Variants in BTBD2 observed in about 807,000 individuals in gnomAD.
BTBD2 encodes BTB domain containing 2.
BTBD2 carries 15 observed loss-of-function variants against 44.0 expected under a neutral mutation model. That is an observed-to-expected ratio of 0.34 (90% CI 0.23 to 0.53). The LOEUF is 0.53. BTBD2 is among the 20% of genes least tolerant of loss of function. The pLI is 0.95. For missense variants in BTBD2, 657 were observed against 746.4 expected, an observed-to-expected ratio of 0.88 and a Z score of 1.39; for synonymous variants, 443 against 335.9, an observed-to-expected ratio of 1.32 and a Z score of -3.49.
intron 1 of BTBD2, among the ~76,000 whole-genome samples, chr19:2,005,107 A>C (rs1350764816): frequency 2.6e-5 from 4 of 152,140 alleles, no homozygotes; most frequent in Non-Finnish European, 5.9e-5. Context: ...GGCGTGAGCC[A>C]CTGCGCCCAG....
intron 5 of BTBD2, among the ~76,000 whole-genome samples, chr19:1,988,968 A>G (rs920597946): frequency 1.6e-4 from 25 of 152,028 alleles, no homozygotes; most frequent in African/African-American, 5.3e-4. Context: ...GCTGGAGTGC[A>G]GTGGCGCGAT....
chr19:1,993,665 C>T (rs2016211734), intron 2 of BTBD2, among the ~76,000 whole-genome samples: 2 of 152,088 alleles, frequency 1.3e-5, no homozygotes, highest in African/African-American at 4.8e-5. Context: ...GGGGCCCACA[C>T]GACACTGAAT....
At chr19:2,014,867 G>C (rs1322045926) in intron 1 of BTBD2, among the ~76,000 whole-genome samples, 1 of 151,078 alleles carries the variant, frequency 6.6e-6, no homozygotes, top group East Asian at 2.0e-4. Context: ...GCCAGAGGTG[G>C]AGGATCCAGG....
Position 1,986,379 on chromosome 19 carries a change from T to TG in BTBD2, c.*108dup. 1 of 1,369,284 alleles carries TG rather than the reference T, an allele frequency of 7.3e-7. No homozygotes were observed. Among genetic ancestry groups the TG allele is most frequent in the Non-Finnish European group, 1.0e-6 (1 of 978,696 alleles). 84.8% of individuals were successfully genotyped at this position (1,369,284 alleles called of 1,614,324 possible). On this transcript the variant is annotated 3_prime_UTR_variant, in exon 9 of 9. Coordinates refer to ENST00000255608, the MANE Select transcript of BTBD2 (RefSeq NM_017797.4). ...GGTGGCATGGAGTGGACAGACGGCCTGGGGGACACTGGGCCTGGCACCGCG... is the reference window on the plus strand; with the variant it reads ...GGTGGCATGGAGTGGACAGACGGCCTGGGGGGACACTGGGCCTGGCACCGCG...
intron 6 of BTBD2, 91 bp from the exon 7 acceptor site, chr19:1,987,344 C>T (rs902724294): frequency 6.7e-5 from 100 of 1,502,314 alleles, no homozygotes; most frequent in Admixed American, 1.1e-4. Flanking sequence ...CGGTCCCCTC[C>T]ATCGTCCCTG....
At chr19:2,011,375 T>C (rs990535669) in intron 1 of BTBD2, among the ~76,000 whole-genome samples, 9 of 151,960 alleles carry the variant, frequency 5.9e-5, no homozygotes, top group Non-Finnish European at 1.0e-4. Flanking sequence ...CCTGGGCCCA[T>C]CCACGGCGCG....
chr19:1,990,699 G>T lies in BTBD2; in HGVS notation c.790+18C>A. Reference sequence around the variant, plus strand: ...AGGCCCCGCTGGGATTCCCACACCTGGGCTCCTGGGCCCTTACCCAGGTCA... The same window carrying T: ...AGGCCCCGCTGGGATTCCCACACCTTGGCTCCTGGGCCCTTACCCAGGTCA... On this transcript the variant is annotated intron_variant, in intron 4 of 8. Transcript: ENST00000255608. 1 of 1,579,182 alleles carries T rather than the reference G, an allele frequency of 6.3e-7. No individual in the cohort carries two copies.
chr19:2,010,947 G>GTTTTC (rs2016456840), intron 1 of BTBD2, among the ~76,000 whole-genome samples: 1 of 152,090 alleles, frequency 6.6e-6, no homozygotes, highest in Non-Finnish European at 1.5e-5. Context: ...CTCAGCTGCT[G>GTTTTC]TTTTCTTTCT....
chr19:1,987,553 G>T lies in BTBD2; in HGVS notation c.1128C>A (p.Arg376=). The part of the protein sequence containing the change: ...CLRGKECSIN[R]FQQVESRWGY... Reference sequence around the variant, plus strand: ...CCCAGCGACTCTCCACCTGCTGGAAGCGGTTGATGCTGCACTCCTTCCCAC... The same window carrying T: ...CCCAGCGACTCTCCACCTGCTGGAATCGGTTGATGCTGCACTCCTTCCCAC... The change falls in exon 6 of 9, where the codon CGC becomes CGA. Residue 376 remains arginine, a synonymous_variant. Coordinates refer to ENST00000255608, the MANE Select transcript of BTBD2 (RefSeq NM_017797.4). 1 of 1,611,282 alleles carries T rather than the reference G, an allele frequency of 6.2e-7. No individual in the cohort carries two copies. The highest frequency in any genetic ancestry group is 1.1e-5 in the South Asian group (1 of 90,694).
At chr19:1,998,135 A>T (rs994645165) in intron 1 of BTBD2, among the ~76,000 whole-genome samples, 6 of 152,142 alleles carry the variant, frequency 3.9e-5, no homozygotes, top group South Asian at 4.1e-4. Flanking sequence ...GCACTCATCC[A>T]CTTAGTCTCA....
At chr19:2,013,334 C>T (rs2016491801) in intron 1 of BTBD2, among the ~76,000 whole-genome samples, 1 of 151,978 alleles carries the variant, frequency 6.6e-6, no homozygotes. Flanking sequence ...GGGGCCGGTA[C>T]CCCGCACACT....
In BTBD2 at chr19:1,990,627, C is replaced by A. The variant is rs1213582033; in HGVS notation, c.790+90G>T. On this transcript the variant is annotated intron_variant, in intron 4 of 8. Transcript: ENST00000255608. ...GAGGCCCCAGCTCACCTGTGCAACT[C>A]CCCCAGGCCCAAAGCTCCCACTGTC... 4.0e-6 allele frequency: 5 copies of A among 1,241,200 alleles called. No homozygotes were observed. The Admixed American group carries it at 1.0e-4, about 26-fold the overall frequency. The allele number at this position is 1,241,200 out of a possible 1,614,324, so 76.9% of individuals were successfully genotyped here.
At chr19:1,994,215 C>T (rs1311498569) in intron 2 of BTBD2, among the ~76,000 whole-genome samples, 1 of 151,604 alleles carries the variant, frequency 6.6e-6, no homozygotes, top group Non-Finnish European at 1.5e-5. Flanking sequence ...ACCTGGGAGG[C>T]TGAGGCACAA....
At chr19:1,999,811 A>AT (rs2016303172) in intron 1 of BTBD2, among the ~76,000 whole-genome samples, 1 of 151,602 alleles carries the variant, frequency 6.6e-6, no homozygotes, top group South Asian at 2.1e-4. Flanking sequence ...AAAATACAAA[A>AT]ATTAGCTGGG....
intron 3 of BTBD2, among the ~76,000 whole-genome samples, chr19:1,991,653 G>A (rs187278170): frequency 7.0e-4 from 106 of 152,326 alleles, no homozygotes; most frequent in African/African-American, 2.3e-3. Flanking sequence ...GTCCTTTCCA[G>A]GATGCCGGAC....
intron 1 of BTBD2, among the ~76,000 whole-genome samples, chr19:2,002,093 G>GT (rs2016337367): frequency 1.3e-5 from 2 of 151,792 alleles, no homozygotes; most frequent in Non-Finnish European, 1.5e-5. Context: ...TTTATTTTTA[G>GT]TTTTTACAGG....
At position 2,015,401 on chromosome 19, in the gene BTBD2, G is replaced by A. The variant is rs1327510755; in HGVS notation, c.303C>T (p.Pro101=). 6.4e-7 allele frequency: 1 copy of A among 1,557,354 alleles called. No homozygotes were observed. Among genetic ancestry groups the A allele is most frequent in the South Asian group, 1.2e-5 (1 of 86,880 alleles). The part of the protein sequence containing the change: ...EAAYNWQASK[P]TVQERFAFLF... ...GGAAGGCGAAGCGCTCCTGCACGGT[G>A]GGCTTGCTGGCCTGCCAGTTGTACG... The change falls in exon 1 of 9, where the codon CCC becomes CCT. Residue 101 remains proline (P), a synonymous_variant. Transcript: ENST00000255608.
In BTBD2 at chr19:1,986,668, C is replaced by T. The variant is rs756466651; in HGVS notation, c.1417-19G>A. 6.2e-6 allele frequency: 10 copies of T among 1,611,604 alleles called. No homozygotes were observed. Among genetic ancestry groups the T allele is most frequent in the Non-Finnish European group, 8.5e-6 (10 of 1,178,360 alleles). On this transcript the variant is annotated intron_variant, in intron 8 of 8. Coordinates refer to ENST00000255608, the MANE Select transcript of BTBD2 (RefSeq NM_017797.4). ...CTGGGCCCTGTAGGGAATAGGGGTA[C>T]AGTGAGGTCAAGGACCACCAGGCTG... is the stretch of plus-strand genomic sequence containing the variant.
intron 3 of BTBD2, 40 bp downstream of exon 3, chr19:1,992,979 CA>C: frequency 1.4e-6 from 2 of 1,428,208 alleles, no homozygotes; most frequent in Non-Finnish European, 1.8e-6. Context: ...CGCCTCCAGC[CA>C]GGCCTGGCCC....
Sources: allele counts gnomAD v4.1 joint callset (sites outside exome capture counted in the v4.1 genomes callset), GRCh38; gene constraint gnomAD v4.1.1; transcripts MANE v1.5; gene names NCBI Gene and HGNC (gene_info 2026-07-23, HGNC 2026-07-21).